The following NRXN3 variants were observed in gnomAD, a reference collection of about 807,000 sequenced individuals.
NRXN3 encodes the protein neurexin III.
Under a neutral mutation model 137.6 loss-of-function variants are expected in NRXN3, and 32 were observed. The ratio of observed to expected loss-of-function variants is 0.23; its 90% CI spans 0.18 to 0.31. The LOEUF (loss-of-function observed/expected upper bound fraction) is 0.31, where lower values mean the gene tolerates loss of function less well. Ranked by LOEUF, NRXN3 falls within the 10% of genes least tolerant of loss-of-function variation. NRXN3 has a pLI of 1.00. For synonymous variants in NRXN3, 798 were observed against 784.5 expected, an observed-to-expected ratio of 1.02 and a Z score of -0.29; for missense variants, 1,574 against 2,062.5, an observed-to-expected ratio of 0.76 and a Z score of 4.59.
chr14:79,631,949 C>G (rs1026561116), intron 16 of NRXN3, among the ~76,000 whole-genome samples: 3 of 152,130 alleles, frequency 2.0e-5, no homozygotes, highest in Admixed American at 2.0e-4. Flanking sequence ...CCAATCAGCT[C>G]TCTGTAAAAT....
At chr14:79,014,711 G>A (rs1053168563) in intron 15 of NRXN3, among the ~76,000 whole-genome samples, 1 of 152,156 alleles carries the variant, frequency 6.6e-6, no homozygotes, top group African/African-American at 2.4e-5. Context: ...GCAGTTGTTT[G>A]GAGGTAAGAA....
At chr14:79,606,457 T>C (rs1364983071) in intron 16 of NRXN3, among the ~76,000 whole-genome samples, 1 of 152,224 alleles carries the variant, frequency 6.6e-6, no homozygotes, top group Non-Finnish European at 1.5e-5. Context: ...TCTATAATTA[T>C]CAGTAGCTGC....
At chr14:78,827,610 A>C (rs2098970568) in intron 10 of NRXN3, among the ~76,000 whole-genome samples, 1 of 152,234 alleles carries the variant, frequency 6.6e-6, no homozygotes, top group African/African-American at 2.4e-5. Context: ...AAGGGCTGAC[A>C]GGTCATGCCA....
chr14:78,665,613 G>T (rs750654434), intron 6 of NRXN3, among the ~76,000 whole-genome samples: 2 of 152,098 alleles, frequency 1.3e-5, no homozygotes, highest in Non-Finnish European at 2.9e-5. Context: ...AGTGGTCAGG[G>T]CAGGACTCTT....
intron 4 of NRXN3, among the ~76,000 whole-genome samples, chr14:78,378,868 T>G (rs1022880786): frequency 4.6e-5 from 7 of 151,774 alleles, no homozygotes; most frequent in South Asian, 2.1e-4. Flanking sequence ...ACAACAAAAT[T>G]GACACAACTT....
chr14:78,934,866 T>C (rs1044019840), intron 10 of NRXN3, among the ~76,000 whole-genome samples: 2 of 152,044 alleles, frequency 1.3e-5, no homozygotes, highest in East Asian at 1.9e-4. Context: ...TGCTAAATGA[T>C]GAGTTAATGG....
intron 19 of NRXN3, among the ~76,000 whole-genome samples, chr14:79,774,449 T>G (rs1454713061): frequency 6.6e-6 from 1 of 152,196 alleles, no homozygotes; most frequent in Non-Finnish European, 1.5e-5. Flanking sequence ...TACGGCTTTG[T>G]GTTTTCATGC....
chr14:79,861,103 T>C lies in NRXN3; in HGVS notation c.4094-239T>C. The C allele has an allele frequency of 6.9e-7, 1 of 1,458,284 alleles. No homozygotes were observed. Among genetic ancestry groups the C allele is most frequent in the Non-Finnish European group, 9.0e-7 (1 of 1,108,996 alleles). The allele number at this position is 1,458,284 out of a possible 1,614,324, so 90.3% of individuals were successfully genotyped here. A position where few individuals can be genotyped will look rare whatever the true frequency, so the allele number is the denominator to read the frequency against. ...TAGCTACCCCTCCTATTGCTACTCG[T>C]GCACCTTCCATTACACTCCCCCCTA... On this transcript the variant is annotated intron_variant, in intron 20 of 20. Transcript: ENST00000335750. The surrounding 1 kb of genome is among the most constrained non-coding windows in gnomAD (Gnocchi z 5.4).
intron 15 of NRXN3, among the ~76,000 whole-genome samples, chr14:79,267,347 G>A (rs1420637216): frequency 6.6e-6 from 1 of 151,556 alleles, no homozygotes; most frequent in Non-Finnish European, 1.5e-5. Context: ...ATGATAAAAT[G>A]AGAGATCATT....
chr14:78,445,248 T>C (rs1479907969), intron 4 of NRXN3, among the ~76,000 whole-genome samples: 1 of 152,148 alleles, frequency 6.6e-6, no homozygotes, highest in African/African-American at 2.4e-5. Flanking sequence ...GTCTTCCTGT[T>C]TGGTTATTGG....
chr14:78,606,376 G>A (rs890839546), intron 4 of NRXN3, among the ~76,000 whole-genome samples: 5 of 152,006 alleles, frequency 3.3e-5, no homozygotes, highest in African/African-American at 1.2e-4. Context: ...TCCTTGGCCT[G>A]GAAACTCTTC....
chr14:78,640,233 A>C (rs1393474400), intron 4 of NRXN3, among the ~76,000 whole-genome samples: 1 of 152,178 alleles, frequency 6.6e-6, no homozygotes, highest in African/African-American at 2.4e-5. Flanking sequence ...CTATATCAAC[A>C]TCTAGGCTGA....
chr14:78,848,448 A>G (rs1184983463), intron 10 of NRXN3, among the ~76,000 whole-genome samples: 1 of 152,176 alleles, frequency 6.6e-6, no homozygotes, highest in African/African-American at 2.4e-5. Context: ...GCTGGCATGC[A>G]GAAATGCACC....
At chr14:78,996,388 G>T (rs2099530118) in intron 15 of NRXN3, among the ~76,000 whole-genome samples, 1 of 152,170 alleles carries the variant, frequency 6.6e-6, no homozygotes, top group South Asian at 2.1e-4. Flanking sequence ...TCAGAGTTAT[G>T]TTAGTCTGAC....
At chr14:78,270,345 G>A (rs1435258341) in intron 2 of NRXN3, among the ~76,000 whole-genome samples, 1 of 152,188 alleles carries the variant, frequency 6.6e-6, no homozygotes, top group South Asian at 2.1e-4. Context: ...ATTTCCTGGT[G>A]TCCTCTGAGA....
chr14:79,699,490 T>C (rs1038830215), intron 19 of NRXN3, among the ~76,000 whole-genome samples: 7 of 151,986 alleles, frequency 4.6e-5, no homozygotes, highest in African/African-American at 7.2e-5. Context: ...TTCACTGACC[T>C]TGAGATGATT....
intron 8 of NRXN3, among the ~76,000 whole-genome samples, chr14:78,751,141 A>G (rs2098639711): frequency 6.6e-6 from 1 of 152,018 alleles, no homozygotes; most frequent in South Asian, 2.1e-4. Context: ...CCCCCACTAT[A>G]TTCTTTACAA....
chr14:78,912,055 T>A (rs145934839), intron 10 of NRXN3, among the ~76,000 whole-genome samples: 8,608 of 151,784 alleles, frequency 0.057, 364 homozygotes, highest in Admixed American at 0.088. Flanking sequence ...TATCTCCTAA[T>A]GCTATCCCTC....
intron 14 of NRXN3, chr14:78,972,951 G>T (rs867537703): frequency 2.0e-5 from 3 of 152,204 alleles, no homozygotes; most frequent in Admixed American, 6.5e-5. Flanking sequence ...TGGACTGAAA[G>T]ATGCCCTGTG....
Sources: allele counts gnomAD v4.1 joint callset (sites outside exome capture counted in the v4.1 genomes callset), GRCh38; gene constraint gnomAD v4.1.1; non-coding constraint Gnocchi (gnomAD v3.1); transcripts MANE v1.5; gene names NCBI Gene and HGNC (gene_info 2026-07-23, HGNC 2026-07-21).